The following PCDHA6 variants were observed in gnomAD, a reference collection of about 807,000 sequenced individuals.
PCDHA6 encodes protocadherin alpha-6.
A neutral mutation model predicts 60.3 loss-of-function variants in PCDHA6; 55 were observed. The ratio of observed to expected loss-of-function variants is 0.91; its 90% CI spans 0.73 to 1.14. The LOEUF (loss-of-function observed/expected upper bound fraction) is 1.14, where lower values mean the gene tolerates loss of function less well. PCDHA6 is among the 50% of genes most tolerant of loss of function. The probability of loss-of-function intolerance (pLI) is 0.00; values close to 1 mark genes in which losing one functional copy is unlikely to be tolerated. For synonymous variants in PCDHA6, 652 were observed against 557.9 expected, an observed-to-expected ratio of 1.17 and a Z score of -2.38; for missense variants, 1,327 against 1,256.5, an observed-to-expected ratio of 1.06 and a Z score of -0.85.
intron 1 of PCDHA6, chr5:140,927,232 G>A (rs1554204208): frequency 6.2e-7 from 1 of 1,614,104 alleles, no homozygotes; most frequent in African/African-American, 1.3e-5. Flanking sequence ...TCGGATTCAC[G>A]TCCTGGACAC....
At chr5:140,984,533 T>C (rs1477702565) in intron 3 of PCDHA6, among the ~76,000 whole-genome samples, 1 of 152,216 alleles carries the variant, frequency 6.6e-6, no homozygotes, top group African/African-American at 2.4e-5. Context: ...CTTCATGGAC[T>C]GTGCTGGATA....
intron 3 of PCDHA6, among the ~76,000 whole-genome samples, chr5:140,999,672 C>T (rs2153958475): frequency 6.6e-6 from 1 of 152,214 alleles, no homozygotes; most frequent in South Asian, 2.1e-4. Context: ...TTGCGGGGGG[C>T]TCACAGAAAG....
chr5:140,900,446 T>G (rs1344652526), intron 1 of PCDHA6, among the ~76,000 whole-genome samples: 1 of 152,154 alleles, frequency 6.6e-6, no homozygotes, highest in Non-Finnish European at 1.5e-5. Flanking sequence ...GCCGGCTAAT[T>G]TTTTATTTTT....
intron 1 of PCDHA6, chr5:140,870,744 C>T (rs1432638683): frequency 6.2e-7 from 1 of 1,613,474 alleles, no homozygotes; most frequent in Non-Finnish European, 8.5e-7. Context: ...TGAGCAGCAA[C>T]GTGACGCTGC....
At chr5:140,865,173 T>C (rs1230117656) in intron 1 of PCDHA6, 1 of 152,234 alleles carries the variant, frequency 6.6e-6, no homozygotes, top group African/African-American at 2.4e-5. Context: ...TGATGCAAAA[T>C]ATTTTTTGCC....
In PCDHA6 at chr5:141,009,929, G is replaced by A; in HGVS notation, c.2845G>A (p.Asp949Asn). The A allele has an allele frequency of 1.2e-6, 2 of 1,603,732 alleles. No individual in the cohort carries two copies. Among genetic ancestry groups the A allele is most frequent in the Non-Finnish European group, 1.7e-6 (2 of 1,176,576 alleles). Residue 949 changes from aspartate to asparagine, a missense_variant, in exon 4 of 4, where the codon GAC (aspartate) becomes AAC (asparagine). Transcript: ENST00000529310. ...AGGGAACAGCACGACTGACAACAGT[G>A]ACCAGTGAGGTCCTCAAATGGAAAC... is the stretch of plus-strand genomic sequence containing the variant. ...EKGNSTTDNSDQ is the reference protein window; with the variant it reads ...EKGNSTTDNSNQ
At chr5:141,005,548 A>G (rs970223535) in intron 3 of PCDHA6, among the ~76,000 whole-genome samples, 2 of 151,322 alleles carry the variant, frequency 1.3e-5, no homozygotes, top group African/African-American at 4.9e-5. Flanking sequence ...CTAAAAATAC[A>G]AAAATTAGCC....
intron 1 of PCDHA6, chr5:140,966,708 C>T (rs1033433543): frequency 1.7e-5 from 23 of 1,384,632 alleles, no homozygotes; most frequent in African/African-American, 6.1e-5. Context: ...GCGTGGGGCA[C>T]GGCTGGGGAA....
chr5:140,895,720 C>A (rs1473250558), intron 1 of PCDHA6, among the ~76,000 whole-genome samples: 2 of 152,136 alleles, frequency 1.3e-5, no homozygotes, highest in African/African-American at 4.8e-5. Flanking sequence ...ATGGCCTGCA[C>A]CTCCATTCAA....
chr5:140,945,701 CA>C (rs1563215722), intron 1 of PCDHA6, among the ~76,000 whole-genome samples: 1 of 151,988 alleles, frequency 6.6e-6, no homozygotes, highest in Non-Finnish European at 1.5e-5. Context: ...CACTGATTTG[CA>C]ACAAAAGTAT....
Position 140,928,756 on chromosome 5 carries a change from C to T in PCDHA6, c.2395-50193C>T. 2.5e-6 allele frequency: 4 copies of T among 1,614,164 alleles called. No individual in the cohort carries two copies. The highest frequency in any genetic ancestry group is 3.4e-6 in the Non-Finnish European group (4 of 1,180,032). On this transcript the variant is annotated intron_variant, in intron 1 of 3. Transcript: ENST00000529310. The stretch of plus-strand genomic sequence containing the variant: ...CAATATAGGTGAGCTCCGTACTGCT[C>T]GCTTAGTTCTTCCCACTGATGCAGT...
chr5:140,884,244 T>C, intron 1 of PCDHA6: 1 of 1,613,386 alleles, frequency 6.2e-7, no homozygotes, highest in Non-Finnish European at 8.5e-7. Flanking sequence ...GAGCCCGCGC[T>C]GACGGCCACG....
chr5:140,848,541 C>T (rs2150412469), intron 1 of PCDHA6: 3 of 1,595,306 alleles, frequency 1.9e-6, no homozygotes, highest in African/African-American at 1.3e-5. Context: ...GCCTCTACTG[C>T]TCTCGCTTCT....
At position 141,009,660 on chromosome 5, in the gene PCDHA6, G is replaced by C; in HGVS notation, c.2576G>C (p.Gly859Ala). 7 of 1,614,084 alleles carry C rather than the reference G, an allele frequency of 4.3e-6. No homozygotes were observed. Among genetic ancestry groups the C allele is most frequent in the Non-Finnish European group, 5.9e-6 (7 of 1,180,030 alleles). Residue 859 changes from glycine (G) to alanine (A), a missense_variant, in exon 4 of 4, where the codon GGT becomes GCT. Physicochemically the swap from Gly to Ala is moderately conservative, Grantham distance 60 (BLOSUM62 0). Coordinates refer to ENST00000529310, the MANE Select transcript of PCDHA6 (RefSeq NM_018909.4). ...PEAGEVSPPV[G>A]AGVNSNSWTF... ...GCAGGAGAAGTGTCCCCTCCAGTCGGTGCGGGTGTCAACAGCAACAGCTGG... is the reference window on the plus strand; with the variant it reads ...GCAGGAGAAGTGTCCCCTCCAGTCGCTGCGGGTGTCAACAGCAACAGCTGG...
At position 140,884,044 on chromosome 5, in the gene PCDHA6, G is replaced by T. The variant is rs374333847; in HGVS notation, c.2394+53559G>T. On this transcript the variant is annotated intron_variant, in intron 1 of 3. Coordinates refer to ENST00000529310, the MANE Select transcript of PCDHA6 (RefSeq NM_018909.4). ...CGGTGGGTGCAGGCCACGTGGTGGC[G>T]AAGGTGCGCGCGGTGGACGCCGATT... 2.5e-6 allele frequency: 4 copies of T among 1,613,476 alleles called. No homozygotes were observed. In the South Asian group the frequency reaches 3.3e-5, roughly 13 times the overall value.
rs2150155253 is a variant in PCDHA6 at position 140,828,426 on chromosome 5, G to T, written c.335G>T (p.Arg112Met). ...ATCCACCTGGAGGTGATCGTGGACAGGCCGCTGCAGGTTTTCCATGTGGAC... is the reference window on the plus strand; with the variant it reads ...ATCCACCTGGAGGTGATCGTGGACATGCCGCTGCAGGTTTTCCATGTGGAC... ...CSIHLEVIVD[R>M]PLQVFHVDVE... The change falls in exon 1 of 4, where the codon AGG (arginine) becomes ATG (methionine). Residue 112 changes from arginine (R) to methionine (M), a missense_variant. Coordinates refer to ENST00000529310, the MANE Select transcript of PCDHA6 (RefSeq NM_018909.4). 4.0e-5 allele frequency: 65 copies of T among 1,614,170 alleles called. No homozygotes were observed. Among genetic ancestry groups the T allele is most frequent in the Non-Finnish European group, 5.4e-5 (64 of 1,180,064 alleles).
chr5:140,967,595 G>A, intron 1 of PCDHA6: 1 of 1,614,168 alleles, frequency 6.2e-7, no homozygotes, highest in Non-Finnish European at 8.5e-7. Context: ...CACATTGGTG[G>A]TGAAGCTGAA....
chr5:140,874,673 TG>T (rs1192690253), intron 1 of PCDHA6, among the ~76,000 whole-genome samples: 4 of 152,260 alleles, frequency 2.6e-5, no homozygotes, highest in African/African-American at 9.6e-5. Context: ...AATCTATTCC[TG>T]AGATTTGTTT....
chr5:140,884,192 G>A, intron 1 of PCDHA6: 1 of 1,613,428 alleles, frequency 6.2e-7, no homozygotes, highest in Non-Finnish European at 8.5e-7. Context: ...CGAGGTGGAC[G>A]CGCCGCACCA....
Sources: allele counts gnomAD v4.1 joint callset (sites outside exome capture counted in the v4.1 genomes callset), GRCh38; gene constraint gnomAD v4.1.1; transcripts MANE v1.5; gene names NCBI Gene and HGNC (gene_info 2026-07-23, HGNC 2026-07-21).